Variants in MAPKAPK3 observed in about 807,000 individuals in gnomAD.
The protein encoded by MAPKAPK3 is MAPK activated protein kinase 3.
A neutral mutation model predicts 49.2 loss-of-function variants in MAPKAPK3; 35 were observed. That is an observed-to-expected ratio of 0.71 (90% CI 0.54 to 0.94). MAPKAPK3 has a LOEUF of 0.94. MAPKAPK3 is among the 40% of genes least tolerant of loss of function. The probability of loss-of-function intolerance (pLI) is 0.00; values close to 1 mark genes in which losing one functional copy is unlikely to be tolerated. For synonymous variants in MAPKAPK3, 178 were observed against 188.7 expected (o/e 0.94, Z 0.46); for missense variants, 398 against 493.1 (o/e 0.81, Z 1.83).
intron 5 of MAPKAPK3, among the ~76,000 whole-genome samples, chr3:50,643,497 T>C (rs2033221824): frequency 6.6e-6 from 1 of 152,196 alleles, no homozygotes; most frequent in African/African-American, 2.4e-5. Flanking sequence ...CTTGGCTTAT[T>C]TCCTCCTCAG....
chr3:50,619,548 C>T (rs1175462439), intron 2 of MAPKAPK3, among the ~76,000 whole-genome samples: 2 of 152,106 alleles, frequency 1.3e-5, no homozygotes, highest in African/African-American at 4.8e-5. Context: ...TTTTCATCCC[C>T]CTCTGGGCAC....
chr3:50,616,002 G>T (rs2032456365), upstream of MAPKAPK3, among the ~76,000 whole-genome samples: 1 of 152,132 alleles, frequency 6.6e-6, no homozygotes, highest in Non-Finnish European at 1.5e-5. Flanking sequence ...GGGCTGAGGG[G>T]GAGGCGCTCA....
At position 50,648,338 on chromosome 3, in the gene MAPKAPK3, G is replaced by T; in HGVS notation, c.*292G>T. ...CCGAGTGAGGCCTCTGTGCTGTCCT[G>T]CCCTGGTGCATGGCCTTAGCTTTCT... On this transcript the variant is annotated 3_prime_UTR_variant, in exon 11 of 11. Transcript: ENST00000621469. The T allele has an allele frequency of 3.4e-6, 1 of 295,642 alleles. No individual in the cohort carries two copies. The allele number at this position is 295,642 out of a possible 1,614,324, so 18.3% of individuals were successfully genotyped here.
chr3:50,628,051 T>C (rs1487736550), intron 2 of MAPKAPK3, among the ~76,000 whole-genome samples: 1 of 152,140 alleles, frequency 6.6e-6, no homozygotes, highest in Non-Finnish European at 1.5e-5. Flanking sequence ...CTCTGTGCCA[T>C]GCCTCTGGGG....
Position 50,648,042 on chromosome 3 carries a change from A to G in MAPKAPK3, c.1145A>G (p.Gln382Arg). ...SSSASQGCNN[Q>R] ...TCTGCCTCACAGGGCTGCAACAACCAGTAGCTCATGGGGCCTTGGAGGAGC... is the reference window on the plus strand; with the variant it reads ...TCTGCCTCACAGGGCTGCAACAACCGGTAGCTCATGGGGCCTTGGAGGAGC... Residue 382 changes from glutamine (Q) to arginine (R), a missense_variant, in exon 11 of 11, where the codon CAG becomes CGG. Transcript: ENST00000621469. 4 of 1,612,662 alleles carry G rather than the reference A, an allele frequency of 2.5e-6. No individual in the cohort carries two copies. The highest frequency in any genetic ancestry group is 3.4e-6 in the Non-Finnish European group (4 of 1,179,430).
At chr3:50,640,296 T>C in intron 2 of MAPKAPK3, 70 bp from the exon 3 acceptor site, 2 of 1,509,580 alleles carry the variant, frequency 1.3e-6, no homozygotes, top group African/African-American at 1.4e-5. Flanking sequence ...TCAGAGCTTA[T>C]ATGTTTTTGT....
rs969659823 is a variant in MAPKAPK3, at chr3:50,632,120, A to G, written c.220-8246A>G. On this transcript the variant is annotated intron_variant, in intron 2 of 10. Transcript: ENST00000621469. ...GTCTTCATGGAGGAATCCATATTAG[A>G]TATGTTCATTTGAGTCTGTGTCTTT... 1.4e-4 allele frequency among the ~76,000 whole-genome samples: 22 copies of G among 152,250 alleles called. 1 individual carries two copies. Among genetic ancestry groups the G allele is most frequent in the African/African-American group, 4.8e-4 (20 of 41,466 alleles).
intron 2 of MAPKAPK3, among the ~76,000 whole-genome samples, chr3:50,634,454 C>T (rs540757873): frequency 3.3e-5 from 5 of 150,550 alleles, no homozygotes; most frequent in East Asian, 1.9e-4. Flanking sequence ...GGTGGGGGCC[C>T]GTTGGGTTGT....
At chr3:50,647,040 G>C in intron 9 of MAPKAPK3, 83 bp from the exon 10 acceptor site, 1 of 1,282,822 alleles carries the variant, frequency 7.8e-7, no homozygotes, top group Non-Finnish European at 1.1e-6. Flanking sequence ...ATCTGAGTCT[G>C]GGAGAAGAGG....
intron 1 of MAPKAPK3, 56 bp downstream of exon 1, chr3:50,617,297 G>T: frequency 2.8e-6 from 1 of 361,592 alleles, no homozygotes; most frequent in Non-Finnish European, 5.0e-6. Flanking sequence ...GCGGCCATTA[G>T]GCGCCCGGCC....
intron 2 of MAPKAPK3, among the ~76,000 whole-genome samples, chr3:50,624,259 C>CTG (rs1271251950): frequency 2.0e-5 from 3 of 151,366 alleles, no homozygotes; most frequent in Admixed American, 2.0e-4. Context: ...ATGTGTGTGC[C>CTG]TGTGTGTGTG....
chr3:50,638,749 C>T lies in MAPKAPK3; in HGVS notation c.220-1617C>T, dbSNP rs564080375. 2.0e-5 allele frequency among the ~76,000 whole-genome samples: 3 copies of T among 152,334 alleles called. No homozygotes were observed. The South Asian group carries it at 6.2e-4, about 32-fold the overall frequency. On this transcript the variant is annotated intron_variant, in intron 2 of 10. Transcript: ENST00000621469. ...ACCCAGTTTGTCTTTACCTAGAGAG[C>T]GTGCATGGTCACAGAGCCTGCCCCT...
chr3:50,646,703 A>G, intron 8 of MAPKAPK3, 37 bp from the exon 9 acceptor site: 18 of 1,416,326 alleles, frequency 1.3e-5, no homozygotes, highest in Non-Finnish European at 1.5e-5. Flanking sequence ...CTGGCTCTGC[A>G]ATCTCATCTC....
chr3:50,643,533 C>T (rs545468466), intron 5 of MAPKAPK3, among the ~76,000 whole-genome samples: 2 of 152,334 alleles, frequency 1.3e-5, no homozygotes, highest in South Asian at 2.1e-4. Context: ...GCTGAGGTTA[C>T]AGCTGCTGCA....
chr3:50,613,325 G>C (rs1425496500), upstream of MAPKAPK3, among the ~76,000 whole-genome samples: 1 of 152,206 alleles, frequency 6.6e-6, no homozygotes, highest in African/African-American at 2.4e-5. Context: ...TGAAACTGGG[G>C]AAAAAACGTT....
Position 50,617,667 on chromosome 3 carries a change from C to G in MAPKAPK3, c.102C>G (p.Pro34=). 1 of 1,612,538 alleles carries G rather than the reference C, an allele frequency of 6.2e-7. No homozygotes were observed. Among genetic ancestry groups the G allele is most frequent in the Non-Finnish European group, 8.5e-7 (1 of 1,179,238 alleles). ...GTGCTCCGGGGGGGCGGCGGGAGCC[C>G]AAGAAGTACGCAGTGACCGACGACT... ...LGGAPGGRRE[P]KKYAVTDDYQ... Residue 34 remains proline (P), a synonymous_variant, in exon 2 of 11, where the codon CCC becomes CCG. Coordinates refer to ENST00000621469, the MANE Select transcript of MAPKAPK3 (RefSeq NM_001243925.2).
chr3:50,645,338 C>T (rs895777990), intron 6 of MAPKAPK3, among the ~76,000 whole-genome samples: 5 of 152,158 alleles, frequency 3.3e-5, no homozygotes, highest in African/African-American at 9.7e-5. Flanking sequence ...TGCCTGTGAC[C>T]TAGGCTATGC....
At chr3:50,618,713 CAG>C (rs999831807) in intron 2 of MAPKAPK3, among the ~76,000 whole-genome samples, 14 of 151,852 alleles carry the variant, frequency 9.2e-5, no homozygotes, top group Admixed American at 8.5e-4. Context: ...TTTTTTGAGG[CAG>C]AGTCTCACTC....
At chr3:50,642,427 C>T in intron 5 of MAPKAPK3, 95 bp downstream of exon 5, 1 of 880,912 alleles carries the variant, frequency 1.1e-6, no homozygotes. Flanking sequence ...GGATGGAGGC[C>T]ATGTTCCCTA....
Sources: gnomAD v4.1 joint callset for allele counts (sites outside exome capture counted in the v4.1 genomes callset) on GRCh38, gnomAD v4.1.1 for gene constraint, MANE v1.5 for transcripts, NCBI Gene and HGNC (gene_info 2026-07-23, HGNC 2026-07-21) for gene names.